SLCO1B3: variants seen among roughly 807,000 people sequenced by gnomAD.
SLCO1B3 encodes solute carrier organic anion transporter family member 1B3, also known as liver-specific organic anion transporter 2.
Under a neutral mutation model 71.8 loss-of-function variants are expected in SLCO1B3, and 72 were observed. The ratio of observed to expected loss-of-function variants is 1.00; its 90% confidence interval spans 0.83 to 1.22. The LOEUF is 1.22. Ranked by LOEUF, SLCO1B3 falls within the 50% of genes most tolerant of loss-of-function variation. The probability of loss-of-function intolerance (pLI) is 0.00; values close to 1 mark genes in which losing one functional copy is unlikely to be tolerated. For missense variants in SLCO1B3, 911 were observed against 819.7 expected (o/e 1.11, Z -1.36); for synonymous variants, 298 against 278.4 (o/e 1.07, Z -0.70).
intron 13 of SLCO1B3, among the ~76,000 whole-genome samples, chr12:20,886,444 C>G (rs950755897): frequency 6.6e-6 from 1 of 151,840 alleles, no homozygotes; most frequent in African/African-American, 2.4e-5. Flanking sequence ...CTAACTTTAG[C>G]GATTAATAAT....
chr12:20,901,916 A>G, intron 15 of SLCO1B3: 1 of 441,072 alleles, frequency 2.3e-6, no homozygotes, highest in Non-Finnish European at 4.5e-6. Flanking sequence ...GTATCCTGCA[A>G]GTGACATTAA....
In SLCO1B3 at chr12:20,883,554, C is replaced by CT. The variant is rs78627909; in HGVS notation, c.1637dup (p.Leu546PhefsTer21). On this transcript the variant is annotated frameshift_variant, in exon 13 of 16. Transcript: ENST00000381545. LOFTEE classifies it high-confidence loss of function. ...TATGTTGCAATTCAAGTCATAAACT[C>CT]TTTGTTCTCTGCAACAGGAGGTACC... 58 of 1,602,466 alleles carry CT rather than the reference C, an allele frequency of 3.6e-5. No individual in the cohort carries two copies. In the Admixed American group the frequency reaches 6.6e-4, roughly 18 times the overall value.
chr12:20,858,819 A>T (rs12579674), intron 5 of SLCO1B3: 12,903 of 215,326 alleles, frequency 0.06, 502 homozygotes, highest in East Asian at 0.16. Flanking sequence ...ATACAGTTTT[A>T]TATGAAATGA....
At chr12:20,907,113 T>A (rs2120422291) in intron 15 of SLCO1B3, among the ~76,000 whole-genome samples, 1 of 152,286 alleles carries the variant, frequency 6.6e-6, no homozygotes, top group South Asian at 2.1e-4. Flanking sequence ...AAGGAAGCAT[T>A]ACATGAAAAA....
At chr12:20,910,270 T>C (rs1866347255) in intron 15 of SLCO1B3, among the ~76,000 whole-genome samples, 1 of 152,206 alleles carries the variant, frequency 6.6e-6, no homozygotes, top group South Asian at 2.1e-4. Flanking sequence ...TGTATTTAAG[T>C]GGGTCTATTT....
Position 20,860,137 on chromosome 12 carries a change from A to G in SLCO1B3, c.360-880A>G, listed in dbSNP as rs200190078. 1.6e-4 allele frequency among the ~76,000 whole-genome samples: 25 copies of G among 151,758 alleles called. No individual in the cohort carries two copies. In the East Asian group the frequency reaches 4.1e-3, roughly 25 times the overall value. ...CGCCCGGCTAATTTTTTGTATTTTTAGTAGAGACGGGGTTTCACTGTGTTA... is the reference window on the plus strand; with the variant it reads ...CGCCCGGCTAATTTTTTGTATTTTTGGTAGAGACGGGGTTTCACTGTGTTA... On this transcript the variant is annotated intron_variant, in intron 5 of 15. Transcript: ENST00000381545.
chr12:20,888,587 A>G (rs577604755), intron 13 of SLCO1B3, among the ~76,000 whole-genome samples: 1 of 152,070 alleles, frequency 6.6e-6, no homozygotes, highest in African/African-American at 2.4e-5. Context: ...AGAGGCTTTC[A>G]GAGGAGTTTT....
intron 3 of SLCO1B3, among the ~76,000 whole-genome samples, chr12:20,822,159 C>T (rs1864325166): frequency 2.0e-5 from 3 of 152,158 alleles, no homozygotes; most frequent in African/African-American, 7.2e-5. Flanking sequence ...CAAGGGAGGT[C>T]CCCCGATCCA....
Position 20,880,879 on chromosome 12 carries a change from A to G in SLCO1B3, c.1356A>G (p.Val452=), listed in dbSNP as rs1396036279. The G allele has an allele frequency of 4.4e-6, 7 of 1,607,048 alleles. No individual in the cohort carries two copies. The highest frequency in any genetic ancestry group is 6.0e-6 in the Non-Finnish European group (7 of 1,174,792). ...YDGNNSVASH[V]DVPLSYCNSE... ...GAAATAATTCAGTGGCATCTCATGT[A>G]GATGTACCACTTTCTTATTGCAACT... The change falls in exon 12 of 16, where the codon GTA becomes GTG. Residue 452 remains valine, a synonymous_variant. Coordinates refer to ENST00000381545, the MANE Select transcript of SLCO1B3 (RefSeq NM_019844.4).
chr12:20,907,795 C>T (rs1866284337), intron 15 of SLCO1B3, among the ~76,000 whole-genome samples: 1 of 151,930 alleles, frequency 6.6e-6, no homozygotes, highest in African/African-American at 2.4e-5. Flanking sequence ...AGGAGTGAGC[C>T]ACTGCTCCCG....
chr12:20,834,120 TATA>T (rs1425786682), intron 3 of SLCO1B3, among the ~76,000 whole-genome samples: 3 of 144,586 alleles, frequency 2.1e-5, no homozygotes, highest in Admixed American at 7.2e-5. Context: ...CATACATAGA[TATA>T]ATACATACAT....
At chr12:20,859,726 C>T (rs1194953937) in intron 5 of SLCO1B3, among the ~76,000 whole-genome samples, 1 of 152,066 alleles carries the variant, frequency 6.6e-6, no homozygotes, top group East Asian at 1.9e-4. Flanking sequence ...ACCCCAGCTT[C>T]ATCTTCCATT....
chr12:20,847,882 A>G (rs1434067514), intron 3 of SLCO1B3, among the ~76,000 whole-genome samples: 2 of 152,062 alleles, frequency 1.3e-5, no homozygotes, highest in Non-Finnish European at 2.9e-5. Flanking sequence ...ATAAATCTCA[A>G]TAGCCTAGAA....
chr12:20,819,534 T>C (rs928650433), intron 3 of SLCO1B3, among the ~76,000 whole-genome samples: 1 of 152,002 alleles, frequency 6.6e-6, no homozygotes, highest in African/African-American at 2.4e-5. Flanking sequence ...GAGGGAGGTA[T>C]TGAGGATAGT....
intron 3 of SLCO1B3, among the ~76,000 whole-genome samples, chr12:20,821,979 A>G (rs1353573260): frequency 6.6e-6 from 1 of 152,196 alleles, no homozygotes; most frequent in African/African-American, 2.4e-5. Flanking sequence ...GATTGAAAGG[A>G]GAAAGAGGTT....
At chr12:20,860,387 C>T in intron 5 of SLCO1B3, among the ~76,000 whole-genome samples, 1 of 152,024 alleles carries the variant, frequency 6.6e-6, no homozygotes, top group East Asian at 1.9e-4. Context: ...TGTTTTATTT[C>T]TTGATCTTCA....
chr12:20,855,230 A>C lies in SLCO1B3; in HGVS notation c.226+61A>C. On this transcript the variant is annotated intron_variant, in intron 4 of 15. Transcript: ENST00000381545. ...GCATAAGTTGAAAAACAAACTGTTCATGCATGCTTTATATCACTGGGTCTG... is the reference window on the plus strand; with the variant it reads ...GCATAAGTTGAAAAACAAACTGTTCCTGCATGCTTTATATCACTGGGTCTG... 3 of 1,409,012 alleles carry C rather than the reference A, an allele frequency of 2.1e-6. No individual in the cohort carries two copies. In the South Asian group the frequency reaches 3.7e-5, roughly 17 times the overall value. The allele number at this position is 1,409,012 out of a possible 1,614,324, so 87.3% of individuals were successfully genotyped here. A position where few individuals can be genotyped will look rare whatever the true frequency, so the allele number is the denominator to read the frequency against.
intron 3 of SLCO1B3, among the ~76,000 whole-genome samples, chr12:20,847,822 A>G (rs1864947855): frequency 6.6e-6 from 1 of 152,034 alleles, no homozygotes; most frequent in South Asian, 2.1e-4. Context: ...GGGAAAAAAG[A>G]ATATTTGAAA....
At chr12:20,838,385 C>T (rs1328179098) in intron 3 of SLCO1B3, among the ~76,000 whole-genome samples, 1 of 151,868 alleles carries the variant, frequency 6.6e-6, no homozygotes, top group Non-Finnish European at 1.5e-5. Flanking sequence ...TGTAGTTGGC[C>T]TTGTTACTTG....
Sources: allele counts gnomAD v4.1 joint callset (sites outside exome capture counted in the v4.1 genomes callset), GRCh38; gene constraint gnomAD v4.1.1; transcripts MANE v1.5; gene names NCBI Gene and HGNC (gene_info 2026-07-23, HGNC 2026-07-21).